The following UBE4B variants were observed in gnomAD, a reference collection of about 807,000 sequenced individuals.
UBE4B encodes the protein ubiquitin conjugation factor E4 B.
In UBE4B, 27 loss-of-function variants were observed where a neutral mutation model predicts 148.1. That is an observed-to-expected ratio of 0.18 (90% confidence interval 0.13 to 0.25). The LOEUF (loss-of-function observed/expected upper bound fraction) is 0.25. Ranked by LOEUF, UBE4B falls within the 10% of genes least tolerant of loss-of-function variation. The pLI is 1.00. For missense variants in UBE4B, 1,170 were observed against 1,662.4 expected (o/e 0.70, Z 5.15); for synonymous variants, 596 against 619.3 (o/e 0.96, Z 0.56).
At chr1:10,112,280 T>C (rs1471019391) in intron 7 of UBE4B, among the ~76,000 whole-genome samples, 2 of 152,262 alleles carry the variant, frequency 1.3e-5, no homozygotes, top group African/African-American at 4.8e-5. Flanking sequence ...CTCTTAGGAC[T>C]TCAATATGAC....
At chr1:10,164,635 T>C (rs17034545) in intron 23 of UBE4B, among the ~76,000 whole-genome samples, 11,635 of 152,262 alleles carry the variant, frequency 0.076, 1,180 homozygotes, top group East Asian at 0.22. Context: ...CCTGTGTTAA[T>C]GGATGAAAAA....
intron 3 of UBE4B, among the ~76,000 whole-genome samples, chr1:10,096,431 A>G (rs1205414004): frequency 6.6e-6 from 1 of 152,102 alleles, no homozygotes; most frequent in African/African-American, 2.4e-5. Context: ...TGGGCTAAAC[A>G]GATGAAGAGG....
chr1:10,108,665 AATC>A (rs1310259352), intron 7 of UBE4B, among the ~76,000 whole-genome samples: 1 of 152,180 alleles, frequency 6.6e-6, no homozygotes, highest in African/African-American at 2.4e-5. Context: ...TGTTCAGAAG[AATC>A]ATTAGAGAAT....
At chr1:10,048,295 G>A (rs541722287) in intron 1 of UBE4B, among the ~76,000 whole-genome samples, 9 of 152,282 alleles carry the variant, frequency 5.9e-5, no homozygotes, top group Admixed American at 5.9e-4. Flanking sequence ...CATCTGGTTT[G>A]AACATATTAT....
At chr1:10,147,214 G>A in intron 19 of UBE4B, 124 bp downstream of exon 19, 3 of 1,465,240 alleles carry the variant, frequency 2.0e-6, no homozygotes, top group Non-Finnish European at 2.8e-6. Context: ...TTCTCTGCAA[G>A]GCGCAGTGGT....
At chr1:10,121,907 G>A (rs532579456) in intron 9 of UBE4B, 55 bp from the exon 10 acceptor site, 132 of 1,155,936 alleles carry the variant, frequency 1.1e-4, no homozygotes, top group Middle Eastern at 5.1e-4. Context: ...GACATTTCAC[G>A]TGCCTCTGTA....
intron 7 of UBE4B, among the ~76,000 whole-genome samples, chr1:10,116,844 G>A (rs138721078): frequency 1.5e-3 from 228 of 152,274 alleles, no homozygotes; most frequent in African/African-American, 5.3e-3. Flanking sequence ...TAGAACCCAC[G>A]TCTGGTTACT....
chr1:10,083,562 T>G (rs1208906803), intron 2 of UBE4B, among the ~76,000 whole-genome samples: 1 of 152,174 alleles, frequency 6.6e-6, no homozygotes, highest in Non-Finnish European at 1.5e-5. Flanking sequence ...ATTAAAATCC[T>G]TTTTTCTTTT....
At chr1:10,094,483 G>C (rs1300198729) in intron 2 of UBE4B, among the ~76,000 whole-genome samples, 1 of 151,104 alleles carries the variant, frequency 6.6e-6, no homozygotes, top group East Asian at 1.9e-4. Flanking sequence ...GCCCAGGCTG[G>C]AGTGCAATGG....
At chr1:10,125,768 C>T (rs1354645250) in intron 10 of UBE4B, among the ~76,000 whole-genome samples, 1 of 152,136 alleles carries the variant, frequency 6.6e-6, no homozygotes, top group Non-Finnish European at 1.5e-5. Flanking sequence ...ATGGTGTTAC[C>T]TGGTATTAAT....
intron 12 of UBE4B, 99 bp downstream of exon 12, chr1:10,129,547 G>T: frequency 1.6e-6 from 2 of 1,243,680 alleles, no homozygotes; most frequent in Non-Finnish European, 2.3e-6. Flanking sequence ...TCTCTTGAAG[G>T]ACATTTAGGT....
chr1:10,060,284 C>T (rs1410555895), intron 1 of UBE4B, among the ~76,000 whole-genome samples: 1 of 152,116 alleles, frequency 6.6e-6, no homozygotes, highest in Non-Finnish European at 1.5e-5. Flanking sequence ...AGTATAACTC[C>T]TTGGATACTT....
chr1:10,102,391 C>CTTTTTTTTTTTTTTTTTTTTTTTT (rs33997625), intron 4 of UBE4B, among the ~76,000 whole-genome samples: 2 of 51,544 alleles, frequency 3.9e-5, no homozygotes, highest in Non-Finnish European at 7.8e-5. Context: ...TGACTTTGCT[C>CTTTTTTTTTTTTTTTTTTTTTTTT]TTTTTTTTTT....
At chr1:10,047,214 G>A (rs966503111) in intron 1 of UBE4B, among the ~76,000 whole-genome samples, 4 of 152,178 alleles carry the variant, frequency 2.6e-5, no homozygotes, top group Non-Finnish European at 4.4e-5. Flanking sequence ...CTGTGGCAGA[G>A]GTCGGAAATA....
Position 10,137,222 on chromosome 1 carries a change from C to T in UBE4B, c.2363+17C>T, listed in dbSNP as rs774446492. On this transcript the variant is annotated intron_variant, in intron 17 of 27. Transcript: ENST00000343090. ...GCTCAATAGGTATGTGCCATGATAC[C>T]GTGTCCTGGGATTGCCTGAGTTACC... 37 of 1,613,364 alleles carry T rather than the reference C, an allele frequency of 2.3e-5. No homozygotes were observed. The East Asian group carries it at 4.5e-4, about 19-fold the overall frequency.
chr1:10,173,565 A>G (rs1326813243), intron 25 of UBE4B, among the ~76,000 whole-genome samples: 1 of 152,090 alleles, frequency 6.6e-6, no homozygotes, highest in African/African-American at 2.4e-5. Context: ...TACTGCACTG[A>G]TTTAGAAACA....
chr1:10,145,124 T>TA (rs1645847839), intron 18 of UBE4B, 85 bp downstream of exon 18: 3 of 1,009,166 alleles, frequency 3.0e-6, no homozygotes, highest in Non-Finnish European at 4.5e-6. Context: ...GTGAGCAGTT[T>TA]AGTGTCCTCA....
intron 21 of UBE4B, among the ~76,000 whole-genome samples, chr1:10,155,621 C>G (rs1192560054): frequency 6.6e-6 from 1 of 152,164 alleles, no homozygotes; most frequent in Non-Finnish European, 1.5e-5. Flanking sequence ...GGTCCTGGTC[C>G]CTGAGCAGAT....
intron 7 of UBE4B, among the ~76,000 whole-genome samples, chr1:10,108,798 G>A (rs960944200): frequency 1.6e-4 from 25 of 152,320 alleles, no homozygotes; most frequent in African/African-American, 6.0e-4. Context: ...AGGTGAAAGT[G>A]TCTTTTTCAC....
Sources: allele counts gnomAD v4.1 joint callset (sites outside exome capture counted in the v4.1 genomes callset), GRCh38; gene constraint gnomAD v4.1.1; transcripts MANE v1.5; gene names NCBI Gene and HGNC (gene_info 2026-07-23, HGNC 2026-07-21).